The following NBPF15 variants were observed in gnomAD, a reference collection of about 807,000 sequenced individuals.
NBPF15 encodes NBPF family member NBPF15.
Under a neutral mutation model 62.2 loss-of-function variants are expected in NBPF15, and 74 were observed. The observed-to-expected ratio is 1.19, with a 90% CI of 0.99 to 1.44. NBPF15 has a LOEUF of 1.44. NBPF15 is among the 40% of genes most tolerant of loss of function. NBPF15 has a pLI of 0.00. For synonymous variants in NBPF15, 244 were observed against 209.7 expected, an observed-to-expected ratio of 1.16 and a Z score of -1.41; for missense variants, 790 against 550.0, an observed-to-expected ratio of 1.44 and a Z score of -4.36.
rs1553539413 is a variant in NBPF15 at position 144,427,089 on chromosome 1, T to C, written c.1223A>G (p.Lys408Arg). ...GLAIDMDEIE[K>R]YQEVEEDQDP... ...TTGGTCTTCTTCCACTTCTTGGTAC[T>C]TTTCAATTTCTGCAATAAGTTCAGA... Residue 408 changes from lysine to arginine, a missense_variant, in exon 17 of 22, where the codon AAG becomes AGG. By Grantham distance (26) the Lys-to-Arg change is conservative. Coordinates refer to ENST00000581897, the MANE Select transcript of NBPF15 (RefSeq NM_001385408.1). 1 of 578,326 alleles carries C rather than the reference T, an allele frequency of 1.7e-6. No individual in the cohort carries two copies. Among genetic ancestry groups the C allele is most frequent in the Non-Finnish European group, 3.0e-6 (1 of 333,484 alleles). 35.8% of individuals were successfully genotyped at this position (578,326 alleles called of 1,614,324 possible). A position where few individuals can be genotyped will look rare whatever the true frequency, so the allele number is the denominator to read the frequency against.
intron 3 of NBPF15, among the ~76,000 whole-genome samples, chr1:144,457,141 A>T (rs1553547181): frequency 2.0e-5 from 3 of 151,856 alleles, no homozygotes; most frequent in African/African-American, 7.3e-5. Context: ...GCACCACTGA[A>T]CTCCAGCCTG....
At chr1:144,441,201 T>A (rs1435174762) in intron 6 of NBPF15, among the ~76,000 whole-genome samples, 2 of 151,796 alleles carry the variant, frequency 1.3e-5, no homozygotes, top group South Asian at 4.2e-4. Flanking sequence ...TTCCTGGGTA[T>A]CTATAGCTAG....
At chr1:144,445,368 C>G (rs1295818969) in intron 6 of NBPF15, among the ~76,000 whole-genome samples, 1 of 141,002 alleles carries the variant, frequency 7.1e-6, no homozygotes, top group East Asian at 2.0e-4. Context: ...CACACACACA[C>G]ACACACACAC....
chr1:144,439,278 G>A (rs1354979021), intron 8 of NBPF15, among the ~76,000 whole-genome samples: 6 of 151,854 alleles, frequency 4.0e-5, no homozygotes, highest in South Asian at 2.1e-4. Context: ...CACCATGCAC[G>A]GCCCCTACTC....
At chr1:144,431,352 C>T (rs1449555488) in intron 13 of NBPF15, among the ~76,000 whole-genome samples, 12 of 149,468 alleles carry the variant, frequency 8.0e-5, no homozygotes, top group Admixed American at 7.3e-4. Flanking sequence ...CAAAGGGAAG[C>T]CCATCAGACT....
Position 144,427,938 on chromosome 1 carries a change from G to T in NBPF15, c.1093C>A (p.Leu365Met), listed in dbSNP as rs1268191136. The change falls in exon 16 of 22, where the codon CTG becomes ATG. Residue 365 changes from leucine (L) to methionine (M), a missense_variant. Leu to Met is a conservative substitution (Grantham distance 15). Coordinates refer to ENST00000581897, the MANE Select transcript of NBPF15 (RefSeq NM_001385408.1). ...GAAGGAGTTGAATAACATCTATCCA[G>T]TGAGTCCTGCAAGACTTCAGGCTCT... ...EKEPEVLQDS[L>M]DRCYSTPSGC... 2.6e-6 allele frequency: 2 copies of T among 769,978 alleles called. No individual in the cohort carries two copies. Among genetic ancestry groups the T allele is most frequent in the East Asian group, 2.4e-5 (1 of 40,990 alleles). 47.7% of individuals were successfully genotyped at this position (769,978 alleles called of 1,614,324 possible).
intron 5 of NBPF15, 109 bp downstream of exon 5, chr1:144,450,663 T>G (rs1371235670): frequency 6.0e-6 from 1 of 166,684 alleles, no homozygotes; most frequent in Non-Finnish European, 1.2e-5. Context: ...TACAGGTGCC[T>G]GTCTCTCCTC....
At chr1:144,447,570 A>G (rs1478043590) in intron 6 of NBPF15, among the ~76,000 whole-genome samples, 1 of 151,810 alleles carries the variant, frequency 6.6e-6, no homozygotes, top group African/African-American at 2.4e-5. Context: ...AAGTGGCATA[A>G]GACAGGATGG....
rs587635128 is a variant in NBPF15, at chr1:144,435,056, G to T, written c.772+55C>A. On this transcript the variant is annotated intron_variant, in intron 12 of 21. Transcript: ENST00000581897. ...TGTGTTGATAGAGCCTGTCTTCAGA[G>T]TTTATCTTCCTCAGCCTAGAGAGAG... is the stretch of plus-strand genomic sequence containing the variant. 141 of 1,611,340 alleles carry T rather than the reference G, an allele frequency of 8.8e-5. 2 individuals carry two copies. Among genetic ancestry groups the T allele is most frequent in the Non-Finnish European group, 1.1e-4 (135 of 1,179,190 alleles).
At chr1:144,434,415 C>T (rs1352998041) in intron 12 of NBPF15, among the ~76,000 whole-genome samples, 2 of 147,282 alleles carry the variant, frequency 1.4e-5, no homozygotes, top group African/African-American at 5.1e-5. Context: ...GCAGGAGAAT[C>T]ACTTGAATCT....
chr1:144,423,683 T>A (rs1667420647), intron 21 of NBPF15, among the ~76,000 whole-genome samples, 187 bp downstream of exon 21: 2 of 151,998 alleles, frequency 1.3e-5, no homozygotes, highest in Non-Finnish European at 2.9e-5. Context: ...TATGGTACGT[T>A]AGTAAATGAT....
chr1:144,437,252 C>A (rs1349065088), intron 9 of NBPF15, 143 bp from the exon 10 acceptor site: 2 of 860,470 alleles, frequency 2.3e-6, no homozygotes, highest in East Asian at 2.5e-5. Flanking sequence ...ATGTCTGTGG[C>A]CAAGAGAAAG....
intron 11 of NBPF15, 59 bp from the exon 12 acceptor site, chr1:144,435,375 A>C (rs1571127025): frequency 4.5e-6 from 6 of 1,337,426 alleles, no homozygotes; most frequent in Non-Finnish European, 5.3e-6. Flanking sequence ...ATTGGACCCC[A>C]GGGAGTCCTA....
intron 12 of NBPF15, among the ~76,000 whole-genome samples, chr1:144,434,114 TCAAA>T (rs1363365440): frequency 1.3e-5 from 2 of 149,388 alleles, no homozygotes; most frequent in Non-Finnish European, 2.9e-5. Flanking sequence ...CAAAAATTGG[TCAAA>T]CAATTTTCTA....
In NBPF15 at chr1:144,439,874, G is replaced by C. The variant is rs1207603428; in HGVS notation, c.130C>G (p.Leu44Val). ...GCCAGGAAGCCGGCCAGTTGAGTTA[G>C]AAAACATTTCTCTTTGAGGTTTCTG... ...QFRNLKEKCF[L>V]TQLAGFLANR... is the part of the protein sequence containing the mutation. Residue 44 changes from leucine (L) to valine (V), a missense_variant, in exon 8 of 22, where the codon CTA becomes GTA. Coordinates refer to ENST00000581897, the MANE Select transcript of NBPF15 (RefSeq NM_001385408.1). The C allele has an allele frequency of 9.7e-5, 156 of 1,610,028 alleles. 2 individuals carry two copies. The highest frequency in any genetic ancestry group is 3.5e-4 in the African/African-American group (26 of 74,622).
chr1:144,423,374 A>C, intron 21 of NBPF15, 118 bp from the exon 22 acceptor site: 1 of 1,587,360 alleles, frequency 6.3e-7, no homozygotes, highest in Middle Eastern at 2.3e-4. Context: ...TAGATTCATT[A>C]ATGAGGTAAA....
In NBPF15 at chr1:144,421,734, T is replaced by C. The variant is rs1666166769; in HGVS notation, c.*1279A>G. 1 of 149,948 alleles carries C rather than the reference T, an allele frequency of 6.7e-6. No homozygotes were observed. Among genetic ancestry groups the C allele is most frequent in the African/African-American group, 2.5e-5 (1 of 40,566 alleles). 9.3% of individuals were successfully genotyped at this position (149,948 alleles called of 1,614,324 possible). On this transcript the variant is annotated 3_prime_UTR_variant, in exon 22 of 22. Coordinates refer to ENST00000581897, the MANE Select transcript of NBPF15 (RefSeq NM_001385408.1). ...TGATCATTAGAATACAGGATATTTA[T>C]ACTCTTGAAAACCGCTTTCCCAAGT...
chr1:144,439,880 A>G lies in NBPF15; in HGVS notation c.124T>C (p.Cys42Arg), dbSNP rs1553542256. The G allele has an allele frequency of 6.8e-6, 11 of 1,610,924 alleles. No homozygotes were observed. The East Asian group carries it at 8.9e-5, about 13-fold the overall frequency. Residue 42 changes from cysteine to arginine, a missense_variant, in exon 8 of 22, where the codon TGT (cysteine) becomes CGT (arginine). Physicochemically the swap from Cys to Arg is radical, Grantham distance 180. Transcript: ENST00000581897. ...KQQFRNLKEK[C>R]FLTQLAGFLA... ...AAGCCGGCCAGTTGAGTTAGAAAACATTTCTCTTTGAGGTTTCTGAACTGC... is the reference window on the plus strand; with the variant it reads ...AAGCCGGCCAGTTGAGTTAGAAAACGTTTCTCTTTGAGGTTTCTGAACTGC...
At chr1:144,443,421 G>A (rs1374936104) in intron 6 of NBPF15, among the ~76,000 whole-genome samples, 21 of 151,552 alleles carry the variant, frequency 1.4e-4, no homozygotes, top group Non-Finnish European at 5.9e-5. Context: ...CTTCAAGACC[G>A]ACTTGCTTAT....
Sources: gnomAD v4.1 joint callset for allele counts (sites outside exome capture counted in the v4.1 genomes callset) on GRCh38, gnomAD v4.1.1 for gene constraint, MANE v1.5 for transcripts, NCBI Gene and HGNC (gene_info 2026-07-23, HGNC 2026-07-21) for gene names.